The following LLGL2 variants were observed in gnomAD, a reference collection of about 807,000 sequenced individuals.
LLGL2 encodes the protein LLGL scribble cell polarity complex component 2, also known as LLGL2, scribble cell polarity complex component.
In LLGL2, 81 loss-of-function variants were observed where a neutral mutation model predicts 123.2. The observed-to-expected ratio is 0.66, with a 90% CI of 0.55 to 0.79. The LOEUF (loss-of-function observed/expected upper bound fraction) is 0.79. Among genes scored for constraint, LLGL2 ranks in the 30% least tolerant of loss-of-function variants. The pLI is 0.00. For synonymous variants in LLGL2, 577 were observed against 594.1 expected, an observed-to-expected ratio of 0.97 and a Z score of 0.42; for missense variants, 1,273 against 1,414.6, an observed-to-expected ratio of 0.90 and a Z score of 1.61.
intron 25 of LLGL2, 35 bp downstream of exon 25, chr17:75,574,703 G>A (rs768710079): frequency 2.2e-5 from 35 of 1,605,610 alleles, no homozygotes; most frequent in Middle Eastern, 1.7e-4. Context: ...GCTGCCAACC[G>A]TGCTGGGAAG....
At chr17:75,539,451 G>A (rs2054126589) in intron 1 of LLGL2, among the ~76,000 whole-genome samples, 1 of 145,130 alleles carries the variant, frequency 6.9e-6, no homozygotes, top group Non-Finnish European at 1.5e-5. Context: ...ATGTTGCCCA[G>A]GCTGGTCGTC....
chr17:75,526,976 T>C (rs933717221), intron 1 of LLGL2, among the ~76,000 whole-genome samples: 3 of 151,990 alleles, frequency 2.0e-5, no homozygotes, highest in African/African-American at 7.2e-5. Context: ...GAGACCAGCC[T>C]GGGCAACATA....
At chr17:75,554,494 C>T (rs1356074221) in intron 2 of LLGL2, among the ~76,000 whole-genome samples, 1 of 151,834 alleles carries the variant, frequency 6.6e-6, no homozygotes, top group Non-Finnish European at 1.5e-5. Context: ...GTGGTGCATG[C>T]CTGTAGTCCC....
At position 75,564,690 on chromosome 17, in the gene LLGL2, C is replaced by T; in HGVS notation, c.1036+183C>T. 2 of 959,700 alleles carry T rather than the reference C, an allele frequency of 2.1e-6. No individual in the cohort carries two copies. Among genetic ancestry groups the T allele is most frequent in the Admixed American group, 6.3e-5 (2 of 31,968 alleles). The allele number at this position is 959,700 out of a possible 1,614,324, so 59.4% of individuals were successfully genotyped here. On this transcript the variant is annotated intron_variant, in intron 10 of 25. Transcript: ENST00000392550. The surrounding 1 kb of genome is among the most constrained non-coding windows in gnomAD (Gnocchi z 4.9). ...CCAGCCTGGACAACGTAGGGAGACCCTTGTCTCTACAAAAAATAAAAAAAT... is the reference window on the plus strand; with the variant it reads ...CCAGCCTGGACAACGTAGGGAGACCTTTGTCTCTACAAAAAATAAAAAAAT...
rs760292447 is a variant in LLGL2 at position 75,558,567 on chromosome 17, T to C, written c.311T>C (p.Val104Ala). 9.9e-6 allele frequency: 16 copies of C among 1,611,680 alleles called. No homozygotes were observed. In the Admixed American group the frequency reaches 2.5e-4, roughly 25 times the overall value. Residue 104 changes from valine to alanine, a missense_variant, in exon 5 of 26, where the codon GTC becomes GCC. Transcript: ENST00000392550. The surrounding 1 kb of genome is among the most constrained non-coding windows in gnomAD (Gnocchi z 4.0). ...DNSLHLWSLK[V>A]KGGASELQED... ...AGCCTGCACCTTTGGAGCCTGAAGGTCAAGGGCGGGGCATCGGAGCTGCAG... is the reference window on the plus strand; with the variant it reads ...AGCCTGCACCTTTGGAGCCTGAAGGCCAAGGGCGGGGCATCGGAGCTGCAG...
At chr17:75,539,900 C>T (rs749385177) in intron 1 of LLGL2, among the ~76,000 whole-genome samples, 2 of 152,136 alleles carry the variant, frequency 1.3e-5, no homozygotes, top group Admixed American at 6.6e-5. Flanking sequence ...TGAGTTACTG[C>T]GGCTGGTTGG....
chr17:75,569,040 A>C lies in LLGL2; in HGVS notation c.1385A>C (p.Lys462Thr). ...ASGVCLRLLY[K>T]LSTVRVFLTD... ...GGTGTCTGCCTGCGGCTGCTCTACAAACTCAGCACTGTGCGCGTGTTCCTC... is the reference window on the plus strand; with the variant it reads ...GGTGTCTGCCTGCGGCTGCTCTACACACTCAGCACTGTGCGCGTGTTCCTC... Residue 462 changes from lysine to threonine, a missense_variant, in exon 13 of 26, where the codon AAA becomes ACA. By Grantham distance (78) the Lys-to-Thr change is moderately conservative. Coordinates refer to ENST00000392550, the MANE Select transcript of LLGL2 (RefSeq NM_001031803.2). 1 of 1,612,894 alleles carries C rather than the reference A, an allele frequency of 6.2e-7. No homozygotes were observed. Among genetic ancestry groups the C allele is most frequent in the East Asian group, 2.2e-5 (1 of 44,848 alleles).
intron 1 of LLGL2, among the ~76,000 whole-genome samples, chr17:75,539,660 T>A (rs1023931413): frequency 6.7e-5 from 10 of 149,552 alleles, no homozygotes; most frequent in Middle Eastern, 3.5e-3. Context: ...CAGACTGGAG[T>A]GCAGTGGTGC....
Position 75,543,557 on chromosome 17 carries a change from G to T in LLGL2, c.75+56G>T, listed in dbSNP as rs898834240. 2.8e-6 allele frequency: 4 copies of T among 1,453,628 alleles called. No individual in the cohort carries two copies. The African/African-American group carries it at 4.2e-5, about 15-fold the overall frequency. The allele number at this position is 1,453,628 out of a possible 1,614,324, so 90.0% of individuals were successfully genotyped here. ...CCAGGTTTTCGGCCAAGCAGCTCAG[G>T]CTGGGGCTGAGGCACCTCTTACCTG... is the stretch of plus-strand genomic sequence containing the variant. On this transcript the variant is annotated intron_variant, in intron 2 of 25. Transcript: ENST00000392550.
Position 75,544,608 on chromosome 17 carries a change from G to A in LLGL2, c.75+1107G>A, listed in dbSNP as rs1015123125. On this transcript the variant is annotated intron_variant, in intron 2 of 25. Coordinates refer to ENST00000392550, the MANE Select transcript of LLGL2 (RefSeq NM_001031803.2). The surrounding 1 kb of genome is among the most constrained non-coding windows in gnomAD (Gnocchi z 4.2). The stretch of plus-strand genomic sequence containing the variant: ...GCGTACGTGGGGTGAGGTAACTTAA[G>A]TGCTAGGCACAGTGGCCCAGGAATG... Among the ~76,000 whole-genome samples the A allele has an allele frequency of 3.9e-5, 6 of 152,224 alleles. No homozygotes were observed. Among genetic ancestry groups the A allele is most frequent in the African/African-American group, 9.7e-5 (4 of 41,448 alleles).
At position 75,573,252 on chromosome 17, in the gene LLGL2, C is replaced by T. The variant is rs539286949; in HGVS notation, c.2699C>T (p.Ser900Phe). ...IRREDVSGIA[S>F]CVFTKYGQGF... ...CGGGAGGACGTCAGTGGCATCGCCT[C>T]CTGCGTCTTCACCAAATATGGCCAA... The change falls in exon 20 of 26, where the codon TCC (serine) becomes TTC (phenylalanine). Residue 900 changes from serine (S) to phenylalanine (F), a missense_variant. Physicochemically the swap from Ser to Phe is radical, Grantham distance 155. Coordinates refer to ENST00000392550, the MANE Select transcript of LLGL2 (RefSeq NM_001031803.2). 1 of 1,605,260 alleles carries T rather than the reference C, an allele frequency of 6.2e-7. No homozygotes were observed. Among genetic ancestry groups the T allele is most frequent in the Admixed American group, 1.7e-5 (1 of 59,800 alleles).
chr17:75,557,027 T>G, intron 3 of LLGL2, among the ~76,000 whole-genome samples: 1 of 129,054 alleles, frequency 7.7e-6, no homozygotes. Flanking sequence ...AGACTCTGTC[T>G]CAAAAACTTT....
chr17:75,571,131 GGGGTAGT>G, intron 17 of LLGL2, 31 bp downstream of exon 17: 3 of 1,514,998 alleles, frequency 2.0e-6, no homozygotes, highest in Non-Finnish European at 2.7e-6. Context: ...TGGGGGGCAG[GGGGTAGT>G]GGGCAGCAGA....
chr17:75,545,884 C>T (rs754027171), intron 2 of LLGL2, among the ~76,000 whole-genome samples: 24 of 152,126 alleles, frequency 1.6e-4, no homozygotes, highest in Non-Finnish European at 2.2e-4. Flanking sequence ...TCAGCACTCA[C>T]AGATGATATT....
At chr17:75,563,889 T>A in intron 9 of LLGL2, 83 bp downstream of exon 9, 2 of 1,379,070 alleles carry the variant, frequency 1.5e-6, no homozygotes, top group Admixed American at 3.4e-5. Context: ...GCCTGGGAAG[T>A]TGGTGCCAGT....
Position 75,548,286 on chromosome 17 carries a change from TTTTTTTTTTGGACGGAG to T in LLGL2, c.75+4789_75+4805del, listed in dbSNP as rs1182965811. The stretch of plus-strand genomic sequence containing the variant: ...AGGACAATTTTTTTTTTCCTTTTTT[TTTTTTTTTTGGACGGAG>T]TTTAGCTCTTGTTGCCCGGGCTGGA... On this transcript the variant is annotated intron_variant, in intron 2 of 25. Coordinates refer to ENST00000392550, the MANE Select transcript of LLGL2 (RefSeq NM_001031803.2). Among the ~76,000 whole-genome samples the T allele has an allele frequency of 9.9e-5, 15 of 151,514 alleles. No individual in the cohort carries two copies. The East Asian group carries it at 2.7e-3, about 28-fold the overall frequency.
chr17:75,525,068 G>C (rs1044806032), upstream of LLGL2: 4 of 154,554 alleles, frequency 2.6e-5, no homozygotes, highest in African/African-American at 4.8e-5. This position sits in a 1 kb window ranked among gnomAD's most constrained non-coding sequence, Gnocchi z 4.8. Flanking sequence ...CTGCAGCCCC[G>C]GCCTCCGCGC....
In LLGL2 at chr17:75,563,387, T is replaced by C; in HGVS notation, c.750T>C (p.Ser250=). The C allele has an allele frequency of 6.2e-7, 1 of 1,612,940 alleles. No homozygotes were observed. Among genetic ancestry groups the C allele is most frequent in the Non-Finnish European group, 8.5e-7 (1 of 1,180,032 alleles). ...GCCGCCTGCTCGTCAGCTGTCACTC[T>C]GACGGCAGCTACTGCCAGTGGCCCG... ...RDGRLLVSCH[S]DGSYCQWPVS... Residue 250 remains serine (S), a synonymous_variant, in exon 8 of 26, where the codon TCT becomes TCC. Transcript: ENST00000392550.
At chr17:75,551,754 T>C (rs78932281) in intron 2 of LLGL2, among the ~76,000 whole-genome samples, 3,455 of 152,346 alleles carry the variant, frequency 0.023, 53 homozygotes, top group Non-Finnish European at 0.034. Flanking sequence ...CCAATGGGAA[T>C]ATAATATGAG....
Sources: allele counts gnomAD v4.1 joint callset (sites outside exome capture counted in the v4.1 genomes callset), GRCh38; gene constraint gnomAD v4.1.1; non-coding constraint Gnocchi (gnomAD v3.1); transcripts MANE v1.5; gene names NCBI Gene and HGNC (gene_info 2026-07-23, HGNC 2026-07-21).